Variants in CORO1C observed in about 807,000 individuals in gnomAD.
The protein encoded by CORO1C is coronin 1C, also known as coronin-1C.
In CORO1C, 14 loss-of-function variants were observed where a neutral mutation model predicts 51.2. The ratio of observed to expected loss-of-function variants is 0.27; its 90% CI spans 0.18 to 0.43. CORO1C has a LOEUF of 0.43. Among genes scored for constraint, CORO1C ranks in the 20% least tolerant of loss-of-function variants. CORO1C has a pLI of 1.00. For synonymous variants in CORO1C, 181 were observed against 210.5 expected (o/e 0.86, Z 1.21); for missense variants, 417 against 607.8 (o/e 0.69, Z 3.30).
intron 4 of CORO1C, 153 bp downstream of exon 4, chr12:108,661,876 G>T: frequency 1.4e-6 from 1 of 736,026 alleles, no homozygotes; most frequent in Non-Finnish European, 2.2e-6. Context: ...TATGTGGGCT[G>T]GGGGAGCAGT....
chr12:108,709,418 T>G (rs2136874256), intron 1 of CORO1C, among the ~76,000 whole-genome samples: 1 of 152,322 alleles, frequency 6.6e-6, no homozygotes, highest in East Asian at 1.9e-4. Context: ...GAATTTTATG[T>G]TCTCCCATTT....
chr12:108,716,835 A>G (rs1421511266), intron 1 of CORO1C, among the ~76,000 whole-genome samples: 1 of 152,216 alleles, frequency 6.6e-6, no homozygotes, highest in Non-Finnish European at 1.5e-5. Flanking sequence ...TATTACATAT[A>G]TACTCAACTA....
chr12:108,681,650 C>T (rs1291902573), intron 2 of CORO1C, among the ~76,000 whole-genome samples: 1 of 152,154 alleles, frequency 6.6e-6, no homozygotes, highest in African/African-American at 2.4e-5. Flanking sequence ...ACAAAAGGCA[C>T]TGCAGACAAA....
intron 3 of CORO1C, among the ~76,000 whole-genome samples, chr12:108,666,062 A>C (rs1305037873): frequency 1.3e-5 from 2 of 152,218 alleles, no homozygotes; most frequent in Non-Finnish European, 2.9e-5. Flanking sequence ...CCTGCTAACC[A>C]AGCTTGGTCC....
At chr12:108,725,243 C>T (rs1431530249) in intron 1 of CORO1C, among the ~76,000 whole-genome samples, 1 of 152,158 alleles carries the variant, frequency 6.6e-6, no homozygotes, top group Non-Finnish European at 1.5e-5. Flanking sequence ...GTCTAAAATC[C>T]TCAGGTGGGA....
chr12:108,721,705 T>C (rs1367859949), intron 1 of CORO1C, among the ~76,000 whole-genome samples: 5 of 152,104 alleles, frequency 3.3e-5, no homozygotes, highest in African/African-American at 9.7e-5. Flanking sequence ...GAGAGGTCAA[T>C]AATTTCCCAC....
chr12:108,716,164 G>C (rs1266511573), intron 1 of CORO1C, among the ~76,000 whole-genome samples: 1 of 121,190 alleles, frequency 8.3e-6, no homozygotes, highest in African/African-American at 3.0e-5. Context: ...AAAAATCCTT[G>C]AATATGTTTC....
chr12:108,648,595 T>C lies in CORO1C; in HGVS notation c.1305+10A>G, dbSNP rs1359425429. On this transcript the variant is annotated intron_variant, in intron 10 of 10. Transcript: ENST00000261401. ...CCAGCCAAGCACCCCTGCACTCCAC[T>C]GGTCCTCACCACACTGGCCGTGTCT... 6.2e-7 allele frequency: 1 copy of C among 1,614,128 alleles called. No homozygotes were observed. The highest frequency in any genetic ancestry group is 8.5e-7 in the Non-Finnish European group (1 of 1,180,020).
At chr12:108,669,206 T>C (rs767967904) in intron 3 of CORO1C, among the ~76,000 whole-genome samples, 10 of 152,218 alleles carry the variant, frequency 6.6e-5, no homozygotes, top group Non-Finnish European at 1.3e-4. Context: ...GCCCACAAAA[T>C]TAACAAATCA....
chr12:108,666,868 T>C (rs1262875777), intron 3 of CORO1C, among the ~76,000 whole-genome samples: 4 of 152,188 alleles, frequency 2.6e-5, no homozygotes, highest in African/African-American at 4.8e-5. Context: ...TAGGAAATAC[T>C]GCAACTAGGG....
At chr12:108,656,180 CCGGCAGCCGCCCCG>C (rs2032981351) in intron 6 of CORO1C, among the ~76,000 whole-genome samples, 1 of 148,314 alleles carries the variant, frequency 6.7e-6, no homozygotes, top group Non-Finnish European at 1.5e-5. Flanking sequence ...GCCCCTCCGC[CCGGCAGCCGCCCCG>C]TCTGAGAAGT....
chr12:108,665,733 C>G (rs1345038179), intron 3 of CORO1C, among the ~76,000 whole-genome samples: 2 of 152,234 alleles, frequency 1.3e-5, no homozygotes, highest in Middle Eastern at 3.2e-3. Flanking sequence ...CAGAGCCAGA[C>G]ACACACATAG....
intron 1 of CORO1C, among the ~76,000 whole-genome samples, chr12:108,708,914 G>A (rs1043720642): frequency 6.6e-6 from 1 of 151,704 alleles, no homozygotes; most frequent in African/African-American, 2.4e-5. Flanking sequence ...CACCACACCA[G>A]GCTAATTTTT....
intron 1 of CORO1C, among the ~76,000 whole-genome samples, chr12:108,703,347 G>C (rs773405435): frequency 6.6e-6 from 1 of 152,060 alleles, no homozygotes; most frequent in African/African-American, 2.4e-5. Context: ...ATTTACAAAA[G>C]AAACACAAAC....
rs1592833824 is a variant in CORO1C, at chr12:108,646,282, G to A, written c.*1121C>T. The A allele has an allele frequency of 6.6e-6, 1 of 152,350 alleles. No individual in the cohort carries two copies. The highest frequency in any genetic ancestry group is 1.9e-4 in the East Asian group (1 of 5,176). The allele number at this position is 152,350 out of a possible 1,614,324, so 9.4% of individuals were successfully genotyped here. ...AGAGGGTAGAGCAGGAGCTTTGTTG[G>A]TGGAAGGAGAGCCACTTCCTCCTCC... On this transcript the variant is annotated 3_prime_UTR_variant, in exon 11 of 11. Coordinates refer to ENST00000261401, the MANE Select transcript of CORO1C (RefSeq NM_014325.4).
At chr12:108,679,399 G>C (rs552595877) in intron 2 of CORO1C, among the ~76,000 whole-genome samples, 2 of 152,220 alleles carry the variant, frequency 1.3e-5, no homozygotes, top group Non-Finnish European at 2.9e-5. Flanking sequence ...TCACACATTT[G>C]AATCTAGCAA....
Position 108,691,568 on chromosome 12 carries a change from G to A in CORO1C, c.195+9556C>T, listed in dbSNP as rs2034495705. Among the ~76,000 whole-genome samples the A allele has an allele frequency of 2.0e-5, 3 of 152,300 alleles. No individual in the cohort carries two copies. In the South Asian group the frequency reaches 6.2e-4, roughly 32 times the overall value. On this transcript the variant is annotated intron_variant, in intron 2 of 10. Coordinates refer to ENST00000261401, the MANE Select transcript of CORO1C (RefSeq NM_014325.4). The stretch of plus-strand genomic sequence containing the variant: ...CCACAAACCCAGTAAAGAGTTAAAC[G>A]TTCTTTGCACTTGACTCAGTGGCTT...
chr12:108,666,684 G>A (rs533333637), intron 3 of CORO1C, among the ~76,000 whole-genome samples: 1 of 152,186 alleles, frequency 6.6e-6, no homozygotes, highest in Non-Finnish European at 1.5e-5. Flanking sequence ...GGTGTCAGAA[G>A]ACACAGGCTC....
intron 3 of CORO1C, among the ~76,000 whole-genome samples, chr12:108,667,158 T>C (rs1006481156): frequency 6.6e-6 from 1 of 152,242 alleles, no homozygotes; most frequent in African/African-American, 2.4e-5. Context: ...TATATATTTC[T>C]AGGTCTGAAC....
Sources: gnomAD v4.1 joint callset for allele counts (sites outside exome capture counted in the v4.1 genomes callset) on GRCh38, gnomAD v4.1.1 for gene constraint, MANE v1.5 for transcripts, NCBI Gene and HGNC (gene_info 2026-07-23, HGNC 2026-07-21) for gene names.